The following MACROH2A1 variants were observed in gnomAD, a reference collection of about 807,000 sequenced individuals.
MACROH2A1 encodes the protein macroH2A.1 histone, also known as core histone macro-H2A.1.
MACROH2A1 carries 2 observed loss-of-function variants against 31.6 expected under a neutral mutation model. That is an observed-to-expected ratio of 0.06 (90% CI 0.03 to 0.20). The LOEUF (loss-of-function observed/expected upper bound fraction) is 0.20. MACROH2A1 is among the 10% of genes least tolerant of loss of function. The pLI is 1.00. For missense variants in MACROH2A1, 230 were observed against 474.0 expected (o/e 0.49, Z 4.78); for synonymous variants, 169 against 189.6 (o/e 0.89, Z 0.89).
At chr5:135,355,131 C>A (rs1762017136) in intron 5 of MACROH2A1, 1 of 455,900 alleles carries the variant, frequency 2.2e-6, no homozygotes, top group South Asian at 1.5e-5. Flanking sequence ...CCAGGAAGAC[C>A]CCCTCAGTGG....
intron 1 of MACROH2A1, among the ~76,000 whole-genome samples, chr5:135,390,452 G>A (rs1399470411): frequency 3.9e-5 from 6 of 152,214 alleles, no homozygotes; most frequent in Non-Finnish European, 7.3e-5. Context: ...TGTGGAACTG[G>A]TGGGGAAAAA....
rs781076332 is a variant in MACROH2A1 at position 135,370,142 on chromosome 5, G to A, written c.173C>T (p.Ala58Val). 2 of 1,598,100 alleles carry A rather than the reference G, an allele frequency of 1.3e-6. No homozygotes were observed. The highest frequency in any genetic ancestry group is 1.7e-6 in the Non-Finnish European group (2 of 1,167,128). The change falls in exon 3 of 9, where the codon GCG becomes GTG. Residue 58 changes from alanine (A) to valine (V), a missense_variant and splice_region_variant. Physicochemically the swap from Ala to Val is moderately conservative, Grantham distance 64 (BLOSUM62 0). This residue lies in a region of MACROH2A1 where 47 missense variants were observed against 154.7 expected (regional missense o/e 0.30). Transcript: ENST00000511689. ...YMAAVLEYLTAEILELAGNAA... is the reference protein window; with the variant it reads ...YMAAVLEYLTVEILELAGNAA... ...ATTGCCAGCCAGCTCCAGAATCTCC[G>A]CTGTGGGGAGCAGAGATGAGTGTAT...
chr5:135,372,975 T>C (rs1401985292), intron 2 of MACROH2A1, among the ~76,000 whole-genome samples: 1 of 152,206 alleles, frequency 6.6e-6, no homozygotes, highest in East Asian at 1.9e-4. Flanking sequence ...CTTCTGACCA[T>C]AATGTGCCAA....
chr5:135,378,558 C>G (rs1011335078), intron 2 of MACROH2A1, among the ~76,000 whole-genome samples: 1 of 152,226 alleles, frequency 6.6e-6, no homozygotes, highest in Non-Finnish European at 1.5e-5. Flanking sequence ...ATTTACCAGT[C>G]TTCCTGAGGT....
intron 2 of MACROH2A1, among the ~76,000 whole-genome samples, chr5:135,380,845 T>C (rs1049599349): frequency 2.6e-5 from 4 of 152,326 alleles, no homozygotes; most frequent in Admixed American, 6.5e-5. Flanking sequence ...ACTAGTAACA[T>C]GGATTATCTC....
At chr5:135,395,856 T>C (rs942761029) in intron 1 of MACROH2A1, among the ~76,000 whole-genome samples, 1 of 152,140 alleles carries the variant, frequency 6.6e-6, no homozygotes, top group South Asian at 2.1e-4. Flanking sequence ...CCACTCTCAG[T>C]GAACTAGGGG....
chr5:135,381,065 T>C (rs1765593704), intron 2 of MACROH2A1, among the ~76,000 whole-genome samples: 1 of 152,154 alleles, frequency 6.6e-6, no homozygotes, highest in Non-Finnish European at 1.5e-5. Context: ...AGTCCAGAAA[T>C]AGCACTAATT....
chr5:135,393,426 G>A (rs940541541), intron 1 of MACROH2A1, among the ~76,000 whole-genome samples: 6 of 152,230 alleles, frequency 3.9e-5, no homozygotes, highest in Non-Finnish European at 7.3e-5. Flanking sequence ...AAACCAATCT[G>A]AACGCTGACC....
intron 1 of MACROH2A1, among the ~76,000 whole-genome samples, chr5:135,394,036 C>G (rs1374583279): frequency 6.6e-6 from 1 of 152,140 alleles, no homozygotes; most frequent in Non-Finnish European, 1.5e-5. Flanking sequence ...AATTAGAAGG[C>G]TGGCTATGTA....
intron 6 of MACROH2A1, chr5:135,346,303 G>C (rs1760827270): frequency 2.0e-6 from 1 of 510,524 alleles, no homozygotes; most frequent in Non-Finnish European, 3.6e-6. Flanking sequence ...GTCTGACTCA[G>C]GGTGATCATG....
chr5:135,394,589 A>T (rs1031604419), intron 1 of MACROH2A1, among the ~76,000 whole-genome samples: 5 of 152,052 alleles, frequency 3.3e-5, no homozygotes, highest in African/African-American at 1.2e-4. Context: ...AATATACTCA[A>T]TTATTTTTCT....
At chr5:135,377,808 C>A (rs1765095147) in intron 2 of MACROH2A1, among the ~76,000 whole-genome samples, 1 of 152,218 alleles carries the variant, frequency 6.6e-6, no homozygotes. Context: ...AGGTCACAAG[C>A]CCCCTTACCC....
intron 1 of MACROH2A1, among the ~76,000 whole-genome samples, chr5:135,396,942 T>C (rs1270036795): frequency 2.0e-5 from 3 of 152,090 alleles, no homozygotes; most frequent in African/African-American, 4.8e-5. Context: ...AAAAGACCTC[T>C]AAACCTACAG....
At chr5:135,358,165 T>G (rs917320200) in intron 5 of MACROH2A1, 1 of 985,068 alleles carries the variant, frequency 1.0e-6, no homozygotes, top group Non-Finnish European at 1.2e-6. Context: ...CTATATGCCA[T>G]GATTTTCACC....
chr5:135,350,882 A>G (rs1484124003), intron 6 of MACROH2A1: 4 of 1,612,870 alleles, frequency 2.5e-6, no homozygotes, highest in Non-Finnish European at 3.4e-6. Context: ...ATCACTGTCG[A>G]TCGAGGCAAT....
intron 8 of MACROH2A1, among the ~76,000 whole-genome samples, chr5:135,342,568 GGTATGT>G (rs1335504167): frequency 2.0e-5 from 3 of 152,188 alleles, no homozygotes; most frequent in African/African-American, 7.2e-5. Context: ...TGGTCCTCCG[GGTATGT>G]GTATGTCTTA....
intron 2 of MACROH2A1, among the ~76,000 whole-genome samples, chr5:135,377,936 T>C (rs1196602281): frequency 6.6e-6 from 1 of 152,164 alleles, no homozygotes. Context: ...GAGTGTGTCA[T>C]AGAAAGGGAG....
intron 2 of MACROH2A1, 68 bp from the exon 3 acceptor site, chr5:135,370,210 T>G (rs1472475455): frequency 4.2e-6 from 4 of 956,492 alleles, no homozygotes; most frequent in Non-Finnish European, 6.5e-6. Context: ...GGTCCCCACA[T>G]TCACAGTGCC....
chr5:135,339,925 C>A (rs1307437128), intron 8 of MACROH2A1, among the ~76,000 whole-genome samples: 2 of 152,226 alleles, frequency 1.3e-5, no homozygotes, highest in East Asian at 3.8e-4. Context: ...ATGAAAAATT[C>A]TCCCCCATTC....
Sources: gnomAD v4.1 joint callset for allele counts (sites outside exome capture counted in the v4.1 genomes callset) on GRCh38, gnomAD v4.1.1 for gene constraint, gnomAD v4.1.1 regional missense constraint, MANE v1.5 for transcripts, NCBI Gene and HGNC (gene_info 2026-07-23, HGNC 2026-07-21) for gene names.